Variants in MAGI2 observed in about 807,000 individuals in gnomAD.
MAGI2 encodes the protein membrane associated guanylate kinase, WW and PDZ domain containing 2, also known as membrane-associated guanylate kinase, WW and PDZ domain-containing protein 2.
A neutral mutation model predicts 133.3 loss-of-function variants in MAGI2; 35 were observed. That is an observed-to-expected ratio of 0.26 (90% CI 0.20 to 0.35). MAGI2 has a LOEUF of 0.35. Ranked by LOEUF, MAGI2 falls within the 10% of genes least tolerant of loss-of-function variation. MAGI2 has a pLI of 1.00. For synonymous variants in MAGI2, 729 were observed against 710.6 expected (o/e 1.03, Z -0.41); for missense variants, 1,636 against 1,863.4 (o/e 0.88, Z 2.25).
intron 9 of MAGI2, among the ~76,000 whole-genome samples, chr7:78,305,546 T>C (rs879679030): frequency 2.6e-5 from 4 of 152,186 alleles, no homozygotes; most frequent in Non-Finnish European, 5.9e-5. Context: ...CTGTGTTCTA[T>C]GGTAATATGC....
rs574543558 is a variant in MAGI2, at chr7:78,831,240, A to C, written c.418+175850T>G. On this transcript the variant is annotated intron_variant, in intron 2 of 21. Transcript: ENST00000354212. ...ATGGCTCATGTTTTTCCACTCTTCA[A>C]AACTCCTCCTTCCAAGAATAGGTTA... is the stretch of plus-strand genomic sequence containing the variant. Among the ~76,000 whole-genome samples, 23 of 152,234 alleles carry C rather than the reference A, an allele frequency of 1.5e-4. No individual in the cohort carries two copies. In the South Asian group the frequency reaches 4.8e-3, roughly 32 times the overall value.
intron 21 of MAGI2, chr7:78,078,653 C>G: frequency 3.8e-6 from 2 of 527,602 alleles, no homozygotes; most frequent in Non-Finnish European, 6.6e-6. Flanking sequence ...TTAAGTGGTG[C>G]TAGATCTCCT....
chr7:79,244,125 T>C (rs1832639585), intron 1 of MAGI2, among the ~76,000 whole-genome samples: 1 of 152,260 alleles, frequency 6.6e-6, no homozygotes, highest in Non-Finnish European at 1.5e-5. Flanking sequence ...CATGAGGTCT[T>C]TGTAAACCTA....
intron 2 of MAGI2, among the ~76,000 whole-genome samples, chr7:78,950,969 C>CTTTTTT (rs761908445): frequency 5.6e-5 from 7 of 125,640 alleles, no homozygotes; most frequent in South Asian, 2.5e-4. Context: ...CTAACGTTAG[C>CTTTTTT]TTTTTTTTTT....
chr7:79,325,896 T>C (rs1203554010), intron 1 of MAGI2, among the ~76,000 whole-genome samples: 1 of 152,170 alleles, frequency 6.6e-6, no homozygotes, highest in Non-Finnish European at 1.5e-5. Flanking sequence ...TTATCATTAT[T>C]GTGAAAACTC....
rs35069216 is a variant in MAGI2, at chr7:78,564,783, C to CTTTTTTTTTTTTTTTT, written c.539-43154_539-43139dup. On this transcript the variant is annotated intron_variant, in intron 3 of 21. Coordinates refer to ENST00000354212, the MANE Select transcript of MAGI2 (RefSeq NM_012301.4). ...TACTTCATCTCATCTCTTTGACATT[C>CTTTTTTTTTTTTTTTT]TTTTTTTTTTTTTTTTTTTTTTTTT... 1.1e-4 allele frequency among the ~76,000 whole-genome samples: 7 copies of CTTTTTTTTTTTTTTTT among 64,318 alleles called. 2 individuals carry two copies. The highest frequency in any genetic ancestry group is 5.0e-4 in the Admixed American group (2 of 4,010). 42.2% of individuals were successfully genotyped at this position (64,318 alleles called of 152,430 possible).
chr7:79,101,735 A>G (rs1817999994), intron 1 of MAGI2, among the ~76,000 whole-genome samples: 1 of 150,746 alleles, frequency 6.6e-6, no homozygotes, highest in Admixed American at 6.6e-5. Flanking sequence ...AAAAAAAAAA[A>G]AAAAAGAAAA....
intron 2 of MAGI2, among the ~76,000 whole-genome samples, chr7:78,809,481 C>A (rs1391925950): frequency 6.6e-6 from 1 of 152,212 alleles, no homozygotes; most frequent in Non-Finnish European, 1.5e-5. Context: ...TGTCTTGGAA[C>A]TACCCACAGG....
intron 20 of MAGI2, among the ~76,000 whole-genome samples, chr7:78,084,473 TGCATGCCGTGTAA>T (rs72277580): frequency 0.2 from 30,382 of 152,178 alleles, 3,016 homozygotes; most frequent in South Asian, 0.24. Context: ...CGTCTTCATT[TGCATGCCGTGTAA>T]GTTAAGCTTT....
At chr7:78,311,450 T>G (rs1425466070) in intron 9 of MAGI2, among the ~76,000 whole-genome samples, 1 of 152,124 alleles carries the variant, frequency 6.6e-6, no homozygotes, top group Non-Finnish European at 1.5e-5. Flanking sequence ...GGTAAAGAGG[T>G]GTTTCAGAAT....
chr7:78,698,422 C>A (rs757714101), intron 2 of MAGI2, among the ~76,000 whole-genome samples: 37 of 152,306 alleles, frequency 2.4e-4, no homozygotes, highest in Middle Eastern at 3.4e-3. Context: ...AAGATCCTCC[C>A]AGGCTCATTC....
At chr7:78,876,469 A>T (rs1195611102) in intron 2 of MAGI2, among the ~76,000 whole-genome samples, 1 of 152,102 alleles carries the variant, frequency 6.6e-6, no homozygotes, top group Non-Finnish European at 1.5e-5. Flanking sequence ...ACTTGATTTT[A>T]AAAAATCACA....
chr7:79,198,130 C>A (rs1828254718), intron 1 of MAGI2, among the ~76,000 whole-genome samples: 3 of 151,800 alleles, frequency 2.0e-5, no homozygotes, highest in African/African-American at 7.3e-5. Flanking sequence ...GTGCATGCTT[C>A]TGGTTCCAGC....
chr7:78,923,340 G>A (rs1477242428), intron 2 of MAGI2, among the ~76,000 whole-genome samples: 3 of 152,192 alleles, frequency 2.0e-5, no homozygotes, highest in Non-Finnish European at 4.4e-5. Flanking sequence ...TAACGTTTAA[G>A]TCTTTAATCC....
At chr7:78,829,910 G>A (rs1790994558) in intron 2 of MAGI2, among the ~76,000 whole-genome samples, 1 of 151,958 alleles carries the variant, frequency 6.6e-6, no homozygotes, top group Admixed American at 6.6e-5. Flanking sequence ...TAAAAAATAA[G>A]CACTTGTGAT....
At chr7:78,415,585 A>G (rs1450946264) in intron 6 of MAGI2, among the ~76,000 whole-genome samples, 1 of 152,006 alleles carries the variant, frequency 6.6e-6, no homozygotes, top group Non-Finnish European at 1.5e-5. Flanking sequence ...CTCTGCTCCC[A>G]TTTTCTGATC....
intron 6 of MAGI2, among the ~76,000 whole-genome samples, chr7:78,466,536 T>A (rs900483164): frequency 3.3e-5 from 5 of 152,222 alleles, no homozygotes; most frequent in Non-Finnish European, 5.9e-5. Flanking sequence ...TATAAATAAC[T>A]AAAATAGGTG....
At chr7:78,312,037 G>A (rs1268182143) in intron 9 of MAGI2, among the ~76,000 whole-genome samples, 2 of 152,028 alleles carry the variant, frequency 1.3e-5, no homozygotes, top group African/African-American at 4.8e-5. Context: ...CCAAAGTGCT[G>A]GGATTACAGG....
intron 1 of MAGI2, among the ~76,000 whole-genome samples, chr7:79,303,757 C>T (rs1837553918): frequency 6.6e-6 from 1 of 152,114 alleles, no homozygotes; most frequent in Admixed American, 6.6e-5. Flanking sequence ...TATGTCACAT[C>T]ATGAATTGAT....
Sources: gnomAD v4.1 joint callset for allele counts (sites outside exome capture counted in the v4.1 genomes callset) on GRCh38, gnomAD v4.1.1 for gene constraint, MANE v1.5 for transcripts, NCBI Gene and HGNC (gene_info 2026-07-23, HGNC 2026-07-21) for gene names.